The following CDKAL1 variants were observed in gnomAD, a reference collection of about 807,000 sequenced individuals.
CDKAL1 encodes the protein CDKAL1 threonylcarbamoyladenosine tRNA methylthiotransferase, also known as threonylcarbamoyladenosine tRNA methylthiotransferase.
A neutral mutation model predicts 68.2 loss-of-function variants in CDKAL1; 32 were observed. The ratio of observed to expected loss-of-function variants is 0.47; its 90% CI spans 0.35 to 0.63. The LOEUF (loss-of-function observed/expected upper bound fraction) is 0.63, where lower values mean the gene tolerates loss of function less well. CDKAL1 is among the 30% of genes least tolerant of loss of function. CDKAL1 has a pLI of 0.00. For synonymous variants in CDKAL1, 234 were observed against 244.3 expected (o/e 0.96, Z 0.39); for missense variants, 606 against 696.7 (o/e 0.87, Z 1.47).
At chr6:20,984,811 C>CGGGG (rs59755973) in intron 10 of CDKAL1, among the ~76,000 whole-genome samples, 159 of 92,282 alleles carry the variant, frequency 1.7e-3, no homozygotes, top group African/African-American at 4.8e-3. Context: ...GGCACAGTAA[C>CGGGG]GGGGGGGGGT....
intron 15 of CDKAL1, among the ~76,000 whole-genome samples, 175 bp downstream of exon 15, chr6:21,201,449 G>A (rs1341572215): frequency 6.6e-6 from 1 of 152,194 alleles, no homozygotes; most frequent in Non-Finnish European, 1.5e-5. Flanking sequence ...TTTTGCTGAT[G>A]CCGATAGCTT....
chr6:20,730,085 C>T (rs1337381794), intron 5 of CDKAL1, among the ~76,000 whole-genome samples: 4 of 152,020 alleles, frequency 2.6e-5, no homozygotes, highest in South Asian at 2.1e-4. Flanking sequence ...TTTGGGATGC[C>T]GAGATGGACA....
At chr6:21,211,633 G>A (rs756989214) in intron 15 of CDKAL1, among the ~76,000 whole-genome samples, 7 of 152,164 alleles carry the variant, frequency 4.6e-5, no homozygotes, top group Non-Finnish European at 8.8e-5. Flanking sequence ...ATATTCATTG[G>A]CCAGAACATC....
chr6:21,046,690 A>G (rs1279856759), intron 11 of CDKAL1, among the ~76,000 whole-genome samples: 2 of 152,252 alleles, frequency 1.3e-5, no homozygotes, highest in Non-Finnish European at 2.9e-5. Flanking sequence ...AAAAGCTACA[A>G]CGTCTAACAA....
intron 8 of CDKAL1, among the ~76,000 whole-genome samples, chr6:20,808,688 A>G (rs534972560): frequency 2.0e-5 from 3 of 152,276 alleles, no homozygotes; most frequent in East Asian, 3.9e-4. Flanking sequence ...TCTGGGTTTC[A>G]GGAGAGAAGA....
chr6:21,002,357 A>C (rs1767471273), intron 11 of CDKAL1, among the ~76,000 whole-genome samples: 1 of 152,144 alleles, frequency 6.6e-6, no homozygotes. Flanking sequence ...ACATACCTGG[A>C]GAAGATATTG....
intron 13 of CDKAL1, among the ~76,000 whole-genome samples, chr6:21,191,355 C>T (rs1223576013): frequency 6.6e-6 from 1 of 151,962 alleles, no homozygotes; most frequent in African/African-American, 2.4e-5. Flanking sequence ...TTCACAACTT[C>T]AGGCACTTGG....
At chr6:20,980,875 GCTTTGT>G (rs1191959069) in intron 10 of CDKAL1, among the ~76,000 whole-genome samples, 1 of 152,156 alleles carries the variant, frequency 6.6e-6, no homozygotes, top group Non-Finnish European at 1.5e-5. Context: ...TCTCACCGCC[GCTTTGT>G]TCCCTCCAGG....
At chr6:21,096,381 C>T (rs1045308128) in intron 12 of CDKAL1, among the ~76,000 whole-genome samples, 38 of 152,092 alleles carry the variant, frequency 2.5e-4, no homozygotes, top group African/African-American at 7.5e-4. Flanking sequence ...ATAGAGTTTG[C>T]GCAGATCCAG....
intron 13 of CDKAL1, among the ~76,000 whole-genome samples, chr6:21,122,803 GT>G (rs66935416): frequency 0.32 from 33,770 of 105,772 alleles, 3,996 homozygotes; most frequent in Non-Finnish European, 0.37. Context: ...CCCCAGTTAG[GT>G]TTTTTTTTTT....
chr6:20,851,083 A>G (rs934443890), intron 9 of CDKAL1, among the ~76,000 whole-genome samples: 8 of 148,774 alleles, frequency 5.4e-5, no homozygotes, highest in African/African-American at 2.0e-4. Flanking sequence ...TGTGTGTTTT[A>G]TTTTTGAGGA....
chr6:21,179,505 A>T (rs1328321105), intron 13 of CDKAL1, among the ~76,000 whole-genome samples: 1 of 152,224 alleles, frequency 6.6e-6, no homozygotes, highest in Admixed American at 6.5e-5. Flanking sequence ...AATAATTAGC[A>T]TTAAATTTGT....
In CDKAL1 at chr6:20,539,812, G is replaced by C. The variant is rs73386541; in HGVS notation, c.-6+4418G>C. ...GATTGAGAAGCTTGAGATGAACTTA[G>C]GTTTTAAAGGGATCCCTGACTTCTG... On this transcript the variant is annotated intron_variant, in intron 2 of 15. Transcript: ENST00000274695. The surrounding 1 kb of genome is among the most constrained non-coding windows in gnomAD (Gnocchi z 4.3). 1.6e-3 allele frequency among the ~76,000 whole-genome samples: 246 copies of C among 152,208 alleles called. 2 individuals carry two copies. Among genetic ancestry groups the C allele is most frequent in the African/African-American group, 5.6e-3 (231 of 41,530 alleles).
chr6:21,026,806 T>C (rs770998945), intron 11 of CDKAL1, among the ~76,000 whole-genome samples: 11 of 152,206 alleles, frequency 7.2e-5, no homozygotes, highest in Non-Finnish European at 1.3e-4. Context: ...TCAGGTTGTT[T>C]GGTTGTCTTT....
At chr6:20,559,936 T>G (rs1195091675) in intron 4 of CDKAL1, among the ~76,000 whole-genome samples, 2 of 152,190 alleles carry the variant, frequency 1.3e-5, no homozygotes, top group Non-Finnish European at 1.5e-5. Flanking sequence ...AGATGATAAA[T>G]TACCATGAAA....
intron 9 of CDKAL1, among the ~76,000 whole-genome samples, chr6:20,928,072 G>A (rs760839605): frequency 6.6e-6 from 1 of 152,036 alleles, no homozygotes; most frequent in Non-Finnish European, 1.5e-5. Context: ...TTAATGTTTG[G>A]TGAGAGCTCT....
At chr6:20,626,515 GTTAGTA>G (rs910793237) in intron 4 of CDKAL1, among the ~76,000 whole-genome samples, 2 of 152,112 alleles carry the variant, frequency 1.3e-5, no homozygotes, top group Non-Finnish European at 1.5e-5. Context: ...GTTATTTGTT[GTTAGTA>G]TTAGTGTAAT....
chr6:20,635,712 T>C (rs1767875945), intron 4 of CDKAL1, among the ~76,000 whole-genome samples: 1 of 152,200 alleles, frequency 6.6e-6, no homozygotes, highest in African/African-American at 2.4e-5. Context: ...AGTAGCTTCC[T>C]GCTGGGAAAA....
At chr6:20,575,534 A>T (rs1336599731) in intron 4 of CDKAL1, among the ~76,000 whole-genome samples, 1 of 151,780 alleles carries the variant, frequency 6.6e-6, no homozygotes, top group East Asian at 1.9e-4. Flanking sequence ...AATTCATATG[A>T]TTTTTCTCAT....
Sources: gnomAD v4.1 joint callset for allele counts (sites outside exome capture counted in the v4.1 genomes callset) on GRCh38, gnomAD v4.1.1 for gene constraint, Gnocchi (gnomAD v3.1) non-coding constraint, MANE v1.5 for transcripts, NCBI Gene and HGNC (gene_info 2026-07-23, HGNC 2026-07-21) for gene names.